Variants in CHAF1A observed in about 807,000 individuals in gnomAD.
CHAF1A encodes CAF-1 subunit A.
Under a neutral mutation model 93.2 loss-of-function variants are expected in CHAF1A, and 5 were observed. The observed-to-expected ratio is 0.05, with a 90% confidence interval of 0.03 to 0.11. The LOEUF is 0.11. Ranked by LOEUF, CHAF1A falls within the 10% of genes least tolerant of loss-of-function variation. The pLI is 1.00. For missense variants in CHAF1A, 1,102 were observed against 1,259.9 expected, an observed-to-expected ratio of 0.87 and a Z score of 1.90; for synonymous variants, 504 against 510.3, an observed-to-expected ratio of 0.99 and a Z score of 0.17.
At chr19:4,448,706 C>T, downstream of CHAF1A, 1 of 444,024 alleles carries the variant, frequency 2.3e-6, no homozygotes, top group Non-Finnish European at 4.2e-6. Context: ...CAGAACTGTG[C>T]CTCACACTCT....
At chr19:4,447,127 G>C (rs559715340), downstream of CHAF1A, 1 of 607,372 alleles carries the variant, frequency 1.6e-6, no homozygotes, top group African/African-American at 1.9e-5. Context: ...CTGCACAGAG[G>C]AAAGAGTCAC....
chr19:4,416,561 T>C (rs1247888388), intron 3 of CHAF1A, among the ~76,000 whole-genome samples: 1 of 152,112 alleles, frequency 6.6e-6, no homozygotes, highest in Non-Finnish European at 1.5e-5. Flanking sequence ...CCCCAGCAAG[T>C]TTCCCTTTTG....
intron 4 of CHAF1A, among the ~76,000 whole-genome samples, chr19:4,418,606 G>A (rs1029676111): frequency 2.6e-5 from 4 of 151,678 alleles, no homozygotes; most frequent in African/African-American, 2.4e-5. Flanking sequence ...TAGTAGAGAC[G>A]GGGTTTCACC....
downstream of CHAF1A, chr19:4,447,582 G>C (rs771897085): frequency 1.9e-6 from 3 of 1,613,914 alleles, no homozygotes; most frequent in African/African-American, 1.3e-5. Context: ...TTGATCTTCC[G>C]GTACTTCTCC....
chr19:4,424,395 G>A (rs536944847), intron 7 of CHAF1A, among the ~76,000 whole-genome samples: 2 of 152,292 alleles, frequency 1.3e-5, no homozygotes, highest in East Asian at 3.9e-4. Flanking sequence ...TTATACACAT[G>A]TGTACTTAGC....
rs1160772350 is a variant in CHAF1A, at chr19:4,423,838, G to A, written c.1341G>A (p.Arg447=). The A allele has an allele frequency of 1.2e-6, 2 of 1,613,992 alleles. No individual in the cohort carries two copies. The highest frequency in any genetic ancestry group is 1.3e-5 in the African/African-American group (1 of 74,914). The stretch of plus-strand genomic sequence containing the variant: ...AAGCAGAGAAGGCCGAAATCACGAG[G>A]TTCTTCCAGAAACCAAAGACTCCAC... ...RIKAEKAEIT[R]FFQKPKTPQA... is the part of the protein sequence containing the mutation. The change falls in exon 7 of 15, where the codon AGG becomes AGA. Residue 447 remains arginine, a synonymous_variant. Coordinates refer to ENST00000301280, the MANE Select transcript of CHAF1A (RefSeq NM_005483.3).
chr19:4,424,735 A>G (rs1164813791), intron 7 of CHAF1A, among the ~76,000 whole-genome samples: 1 of 152,162 alleles, frequency 6.6e-6, no homozygotes, highest in Non-Finnish European at 1.5e-5. Context: ...CCCGGGTTCC[A>G]GTGATTCTTC....
intron 4 of CHAF1A, among the ~76,000 whole-genome samples, chr19:4,421,117 T>C (rs2145101793): frequency 6.6e-6 from 1 of 152,320 alleles, no homozygotes; most frequent in Non-Finnish European, 1.5e-5. Context: ...AGAGTCTTGC[T>C]CTGTCACCCA....
intron 4 of CHAF1A, among the ~76,000 whole-genome samples, chr19:4,420,273 C>T (rs1599647432): frequency 1.3e-5 from 2 of 151,634 alleles, no homozygotes; most frequent in African/African-American, 2.4e-5. Context: ...GAGACAGTCT[C>T]GCTCTGTTGC....
intron 7 of CHAF1A, among the ~76,000 whole-genome samples, chr19:4,428,155 G>C (rs1974118189): frequency 6.7e-6 from 1 of 148,274 alleles, no homozygotes. Context: ...ACTGCCCCTG[G>C]CCTAATTTTT....
chr19:4,405,497 A>G (rs527298099), intron 1 of CHAF1A, among the ~76,000 whole-genome samples: 2 of 151,996 alleles, frequency 1.3e-5, no homozygotes, highest in South Asian at 2.1e-4. Flanking sequence ...AGTCCCAGCT[A>G]CTTGAGAGAG....
chr19:4,429,907 C>T (rs1480844502), intron 10 of CHAF1A, 119 bp downstream of exon 10: 4 of 866,106 alleles, frequency 4.6e-6, no homozygotes, highest in African/African-American at 1.7e-5. Flanking sequence ...TGGTGTTTGA[C>T]CTGCTGTGTG....
At chr19:4,430,844 C>G in intron 11 of CHAF1A, 1 of 568,862 alleles carries the variant, frequency 1.8e-6, no homozygotes, top group Non-Finnish European at 3.1e-6. Flanking sequence ...GTAGGAGGAG[C>G]TTGCAAGCGA....
At chr19:4,440,849 G>GT (rs1974374013) in intron 13 of CHAF1A, among the ~76,000 whole-genome samples, 1 of 152,170 alleles carries the variant, frequency 6.6e-6, no homozygotes, top group Non-Finnish European at 1.5e-5. Flanking sequence ...GCCAGGTGCG[G>GT]TGGCTCATGC....
At chr19:4,440,713 C>G (rs1004111654) in intron 13 of CHAF1A, among the ~76,000 whole-genome samples, 1 of 151,666 alleles carries the variant, frequency 6.6e-6, no homozygotes, top group African/African-American at 2.4e-5. Flanking sequence ...ACGCCTGGGC[C>G]GTGTGGTACA....
At chr19:4,423,271 G>A in intron 5 of CHAF1A, 64 bp from the exon 6 acceptor site, 1 of 1,604,270 alleles carries the variant, frequency 6.2e-7, no homozygotes, top group Non-Finnish European at 8.5e-7. Context: ...TAACAGTTGA[G>A]TGCTGCGGTC....
At chr19:4,406,327 C>T (rs142329734) in intron 2 of CHAF1A, among the ~76,000 whole-genome samples, 46 of 152,306 alleles carry the variant, frequency 3.0e-4, no homozygotes, top group African/African-American at 8.7e-4. Flanking sequence ...GGTAGAACTG[C>T]CCCCTCAGAG....
At chr19:4,415,786 T>C (rs977521934) in intron 3 of CHAF1A, among the ~76,000 whole-genome samples, 22 of 152,068 alleles carry the variant, frequency 1.4e-4, no homozygotes, top group African/African-American at 5.3e-4. Flanking sequence ...AAGGACTCAG[T>C]GGGACCCAGG....
At chr19:4,407,245 C>A (rs1231786598) in intron 2 of CHAF1A, among the ~76,000 whole-genome samples, 2 of 106,468 alleles carry the variant, frequency 1.9e-5, no homozygotes, top group African/African-American at 3.3e-5. Flanking sequence ...CCACACCCCC[C>A]CCAAAAAAAA....
Sources: gnomAD v4.1 joint callset for allele counts (sites outside exome capture counted in the v4.1 genomes callset) on GRCh38, gnomAD v4.1.1 for gene constraint, MANE v1.5 for transcripts, NCBI Gene and HGNC (gene_info 2026-07-23, HGNC 2026-07-21) for gene names.